Variants in THSD4 observed in about 807,000 individuals in gnomAD.
THSD4 encodes the protein thrombospondin type-1 domain-containing protein 4.
Under a neutral mutation model 119.0 loss-of-function variants are expected in THSD4, and 69 were observed. The observed-to-expected ratio is 0.58, with a 90% confidence interval of 0.48 to 0.71. The LOEUF (loss-of-function observed/expected upper bound fraction) is 0.71, where lower values mean the gene tolerates loss of function less well. Among genes scored for constraint, THSD4 ranks in the 30% least tolerant of loss-of-function variants. THSD4 has a pLI of 0.00. For synonymous variants in THSD4, 524 were observed against 540.4 expected (o/e 0.97, Z 0.42); for missense variants, 1,393 against 1,391.1 (o/e 1.00, Z -0.02).
intron 7 of THSD4, among the ~76,000 whole-genome samples, chr15:71,598,693 A>G (rs1487567688): frequency 6.6e-6 from 1 of 152,082 alleles, no homozygotes; most frequent in African/African-American, 2.4e-5. Context: ...TCATAGCTCA[A>G]TGCAGCCTCA....
intron 7 of THSD4, among the ~76,000 whole-genome samples, chr15:71,556,856 A>G (rs181815341): frequency 5.9e-5 from 9 of 151,818 alleles, no homozygotes; most frequent in Admixed American, 4.6e-4. Context: ...AACTTTTGTA[A>G]TTTCTAGTAC....
At chr15:71,338,002 G>A (rs1430405317) in intron 6 of THSD4, among the ~76,000 whole-genome samples, 3 of 152,126 alleles carry the variant, frequency 2.0e-5, no homozygotes, top group Non-Finnish European at 4.4e-5. Flanking sequence ...TATGTAAAAT[G>A]CCTTGTTGTA....
At chr15:71,112,312 AG>A (rs754745556), upstream of THSD4, 556 of 1,343,990 alleles carry the variant, frequency 4.1e-4, 2 homozygotes, top group Non-Finnish European at 4.7e-4. Flanking sequence ...AAGAGAATGA[AG>A]GGGGGTACTA....
chr15:71,472,113 C>T (rs1275520594), intron 7 of THSD4, among the ~76,000 whole-genome samples: 1 of 152,056 alleles, frequency 6.6e-6, no homozygotes, highest in Non-Finnish European at 1.5e-5. Context: ...GACAGGGCCT[C>T]CCTATGTTTC....
chr15:71,270,237 T>A (rs746463221), intron 6 of THSD4, among the ~76,000 whole-genome samples: 4 of 152,242 alleles, frequency 2.6e-5, no homozygotes, highest in Admixed American at 6.5e-5. Context: ...AGCATGGTAC[T>A]GGTACCAAAA....
At chr15:71,659,964 G>C (rs180840413) in intron 7 of THSD4, among the ~76,000 whole-genome samples, 1 of 152,100 alleles carries the variant, frequency 6.6e-6, no homozygotes, top group African/African-American at 2.4e-5. Flanking sequence ...TTCTGCTCTG[G>C]GAAAAGTGCT....
chr15:71,750,858 C>A (rs916180145), intron 14 of THSD4, among the ~76,000 whole-genome samples: 4 of 152,194 alleles, frequency 2.6e-5, no homozygotes, highest in African/African-American at 9.7e-5. Flanking sequence ...CCATCCCAAA[C>A]ATTAGCGCAT....
intron 6 of THSD4, among the ~76,000 whole-genome samples, chr15:71,267,755 G>A (rs532786527): frequency 3.7e-4 from 56 of 152,260 alleles, no homozygotes; most frequent in Middle Eastern, 3.4e-3. Flanking sequence ...AAAATAAAGG[G>A]ATGGAGGAAT....
At chr15:71,158,930 A>G (rs2043226562) in intron 3 of THSD4, among the ~76,000 whole-genome samples, 1 of 152,116 alleles carries the variant, frequency 6.6e-6, no homozygotes, top group Non-Finnish European at 1.5e-5. Flanking sequence ...ACACTGAATA[A>G]AACCTTATGT....
chr15:71,651,767 C>G (rs1019364514), intron 7 of THSD4, among the ~76,000 whole-genome samples: 14 of 152,118 alleles, frequency 9.2e-5, no homozygotes, highest in Non-Finnish European at 7.4e-5. Context: ...CTGGGTCCAC[C>G]CTTCTTGTGT....
chr15:71,761,191 A>G (rs1567140310), intron 15 of THSD4, among the ~76,000 whole-genome samples: 1 of 151,138 alleles, frequency 6.6e-6, no homozygotes, highest in Admixed American at 6.6e-5. Flanking sequence ...TCTTAATTCC[A>G]TTTTTTCCCC....
intron 6 of THSD4, among the ~76,000 whole-genome samples, chr15:71,271,931 C>T (rs2044535508): frequency 6.6e-6 from 1 of 152,078 alleles, no homozygotes; most frequent in African/African-American, 2.4e-5. Flanking sequence ...CAAAAATAGA[C>T]AAATGAGATT....
chr15:71,165,907 C>T (rs2141395421), intron 3 of THSD4, among the ~76,000 whole-genome samples: 1 of 152,156 alleles, frequency 6.6e-6, no homozygotes. Context: ...TCTGAGCCAC[C>T]TCCAGTCAGG....
At chr15:71,514,779 G>C (rs572190945) in intron 7 of THSD4, among the ~76,000 whole-genome samples, 1 of 152,070 alleles carries the variant, frequency 6.6e-6, no homozygotes, top group African/African-American at 2.4e-5. Context: ...ACAAAAATGG[G>C]ATCATATACT....
chr15:71,256,966 G>A (rs1366260593), intron 6 of THSD4, among the ~76,000 whole-genome samples: 2 of 152,208 alleles, frequency 1.3e-5, no homozygotes, highest in Non-Finnish European at 2.9e-5. Context: ...AACATCCAAG[G>A]ATGGCAGGGT....
At chr15:71,218,031 C>G (rs544568356) in intron 4 of THSD4, among the ~76,000 whole-genome samples, 41 of 152,056 alleles carry the variant, frequency 2.7e-4, no homozygotes, top group African/African-American at 9.9e-4. Context: ...TTCGGCCTCC[C>G]AAAGTGTTGG....
intron 6 of THSD4, among the ~76,000 whole-genome samples, chr15:71,351,912 G>A (rs1345094856): frequency 6.6e-6 from 1 of 152,106 alleles, no homozygotes; most frequent in Non-Finnish European, 1.5e-5. Flanking sequence ...CTGCATTTAG[G>A]AAACCCACTA....
chr15:71,580,316 C>T (rs2049534430), intron 7 of THSD4, among the ~76,000 whole-genome samples: 5 of 152,080 alleles, frequency 3.3e-5, no homozygotes, highest in Admixed American at 2.6e-4. Flanking sequence ...GGTTAGGCTC[C>T]AGAGTCTAAG....
At chr15:71,724,389 C>A (rs545365642) in intron 8 of THSD4, among the ~76,000 whole-genome samples, 3 of 150,596 alleles carry the variant, frequency 2.0e-5, no homozygotes, top group South Asian at 4.3e-4. Flanking sequence ...GGGTTCACGC[C>A]ATTCTCCTGC....
Sources: gnomAD v4.1 joint callset for allele counts (sites outside exome capture counted in the v4.1 genomes callset) on GRCh38, gnomAD v4.1.1 for gene constraint, MANE v1.5 for transcripts, NCBI Gene and HGNC (gene_info 2026-07-23, HGNC 2026-07-21) for gene names.